TXNRD2: variants seen among roughly 807,000 people sequenced by gnomAD.
TXNRD2 encodes the protein thioredoxin reductase 2.
In TXNRD2, 67 loss-of-function variants were observed where a neutral mutation model predicts 70.8. That is an observed-to-expected ratio of 0.95 (90% CI 0.78 to 1.16). TXNRD2 has a LOEUF of 1.16. Ranked by LOEUF, TXNRD2 falls within the 50% of genes most tolerant of loss-of-function variation. The pLI is 0.00. For synonymous variants in TXNRD2, 301 were observed against 295.8 expected (o/e 1.02, Z -0.18); for missense variants, 644 against 719.9 (o/e 0.89, Z 1.21).
chr22:19,922,362 A>G (rs1249417021), intron 2 of TXNRD2, among the ~76,000 whole-genome samples: 1 of 151,942 alleles, frequency 6.6e-6, no homozygotes, highest in African/African-American at 2.4e-5. Flanking sequence ...TCGGTAACTA[A>G]ACTGCAGAAC....
chr22:19,911,507 C>G, intron 7 of TXNRD2, 60 bp from the exon 8 acceptor site: 1 of 1,333,584 alleles, frequency 7.5e-7, no homozygotes, highest in Non-Finnish European at 1.1e-6. Context: ...CTAGGGCTTC[C>G]TTAAAGAGGA....
chr22:19,920,798 C>A (rs776910002), intron 2 of TXNRD2, among the ~76,000 whole-genome samples: 5 of 152,162 alleles, frequency 3.3e-5, no homozygotes, highest in Admixed American at 2.0e-4. Context: ...TGTAAGAGTT[C>A]ATTTTTAAAA....
chr22:19,923,298 G>A (rs1024801123), intron 2 of TXNRD2, among the ~76,000 whole-genome samples: 1 of 151,908 alleles, frequency 6.6e-6, no homozygotes, highest in African/African-American at 2.4e-5. Flanking sequence ...GACTTTCAAG[G>A]ATAGATTCCT....
chr22:19,935,823 C>T (rs535603044), intron 1 of TXNRD2, among the ~76,000 whole-genome samples: 4 of 152,318 alleles, frequency 2.6e-5, no homozygotes, highest in Admixed American at 1.3e-4. Flanking sequence ...TGTGGGAACC[C>T]GATTCCCTTT....
At chr22:19,922,711 G>C (rs181089140) in intron 2 of TXNRD2, among the ~76,000 whole-genome samples, 1 of 152,128 alleles carries the variant, frequency 6.6e-6, no homozygotes, top group East Asian at 1.9e-4. Flanking sequence ...TTTTGAGATG[G>C]AGTCTAGCTC....
chr22:19,941,740 C>T lies in TXNRD2; in HGVS notation c.64G>A (p.Val22Met), dbSNP rs370819229. The T allele has an allele frequency of 1.0e-3, 1,551 of 1,494,506 alleles. 5 individuals carry two copies. Among genetic ancestry groups the T allele is most frequent in the Non-Finnish European group, 1.3e-3 (1,433 of 1,129,782 alleles). 92.6% of individuals were successfully genotyped at this position (1,494,506 alleles called of 1,614,324 possible). A position where few individuals can be genotyped will look rare whatever the true frequency, so the allele number is the denominator to read the frequency against. Reference protein sequence around the residue: ...GGRFRWRTQAVAGGVRGAARG... With the variant: ...GGRFRWRTQAMAGGVRGAARG... Reference sequence around the variant, plus strand: ...GCCGCGCCCCGCACCCCGCCCGCCACGGCCTGCGTCCGCCACCGGAAGCGC... The same window carrying T: ...GCCGCGCCCCGCACCCCGCCCGCCATGGCCTGCGTCCGCCACCGGAAGCGC... Residue 22 changes from valine to methionine, a missense_variant, in exon 1 of 18, where the codon GTG becomes ATG. Val to Met is a conservative substitution (Grantham distance 21). This residue lies in a region of TXNRD2 where 71 missense variants were observed against 53.6 expected (regional missense o/e 1.33). Transcript: ENST00000400521.
At chr22:19,905,934 C>A (rs910956703) in intron 8 of TXNRD2, among the ~76,000 whole-genome samples, 2 of 141,198 alleles carry the variant, frequency 1.4e-5, no homozygotes, top group Non-Finnish European at 3.1e-5. Flanking sequence ...AAAAAAAAAT[C>A]TTGGGGGTGG....
chr22:19,908,162 C>T (rs1268531004), intron 8 of TXNRD2, among the ~76,000 whole-genome samples: 2 of 143,792 alleles, frequency 1.4e-5, no homozygotes, highest in African/African-American at 5.2e-5. Flanking sequence ...AGAGTGTGGG[C>T]GCCGTGGGTA....
intron 11 of TXNRD2, among the ~76,000 whole-genome samples, chr22:19,886,678 T>G (rs886408307): frequency 1.3e-5 from 2 of 152,252 alleles, no homozygotes; most frequent in African/African-American, 4.8e-5. Context: ...TCGCCCTGCA[T>G]GTTGTGCTCA....
chr22:19,877,187 G>T lies in TXNRD2; in HGVS notation c.1493C>A (p.Pro498His). 6.2e-7 allele frequency: 1 copy of T among 1,611,828 alleles called. No individual in the cohort carries two copies. ...CTTGACTACCTCCTCAGAGCATGTG[G>T]GATGGATACCCACGGTCCGCATCAC... is the stretch of plus-strand genomic sequence containing the variant. ...AQVMRTVGIH[P>H]TCSEEVVKLR... Residue 498 changes from proline to histidine, a missense_variant, in exon 17 of 18, where the codon CCC (proline) becomes CAC (histidine). Around this residue, in one of 3 missense-constraint regions of TXNRD2, gnomAD observed 566 missense variants for 645.0 expected, o/e 0.88. Transcript: ENST00000400521.
At chr22:19,932,683 G>C (rs1434092239) in intron 1 of TXNRD2, 1 of 852,980 alleles carries the variant, frequency 1.2e-6, no homozygotes, top group African/African-American at 1.7e-5. Context: ...AACAAGTAGT[G>C]CCCTCAGCCC....
intron 11 of TXNRD2, chr22:19,895,074 G>T: frequency 6.3e-7 from 1 of 1,593,950 alleles, no homozygotes; most frequent in South Asian, 1.1e-5. Context: ...TCAAGGGCCA[G>T]GGAAGGCGAG....
At chr22:19,928,878 C>T (rs904251522) in intron 2 of TXNRD2, among the ~76,000 whole-genome samples, 13 of 151,636 alleles carry the variant, frequency 8.6e-5, no homozygotes, top group African/African-American at 2.9e-4. Flanking sequence ...TGGTGGCAGG[C>T]GCCTGTAATC....
intron 2 of TXNRD2, among the ~76,000 whole-genome samples, chr22:19,923,557 C>A (rs907773227): frequency 3.3e-5 from 5 of 152,088 alleles, no homozygotes; most frequent in African/African-American, 4.8e-5. Flanking sequence ...GAGGCCGAGG[C>A]GGGCAGATCA....
At chr22:19,923,439 G>A (rs1940991984) in intron 2 of TXNRD2, among the ~76,000 whole-genome samples, 1 of 152,096 alleles carries the variant, frequency 6.6e-6, no homozygotes, top group African/African-American at 2.4e-5. Flanking sequence ...ACCTGTCCTG[G>A]CTCTGGGCTG....
chr22:19,925,261 G>A (rs749031956), intron 2 of TXNRD2, among the ~76,000 whole-genome samples: 31 of 151,958 alleles, frequency 2.0e-4, no homozygotes, highest in Non-Finnish European at 3.7e-4. Flanking sequence ...TCCAGCCTGG[G>A]CGACAGAGCA....
At chr22:19,890,463 T>A (rs904740471) in intron 11 of TXNRD2, among the ~76,000 whole-genome samples, 2 of 152,142 alleles carry the variant, frequency 1.3e-5, no homozygotes, top group African/African-American at 4.8e-5. Context: ...GATGCCAGGG[T>A]CACTGCTGGG....
intron 8 of TXNRD2, among the ~76,000 whole-genome samples, chr22:19,910,596 A>C (rs1230110926): frequency 1.3e-5 from 2 of 152,178 alleles, no homozygotes; most frequent in African/African-American, 4.8e-5. Flanking sequence ...AGCCCTGCAG[A>C]GGGGCACAAG....
Position 19,877,052 on chromosome 22 carries a change from T to C in TXNRD2, c.*53A>G. 6.4e-7 allele frequency: 1 copy of C among 1,562,300 alleles called. No homozygotes were observed. Among genetic ancestry groups the C allele is most frequent in the Admixed American group, 1.7e-5 (1 of 58,546 alleles). ...CCCACCTGCATACCTGGGTCTGGCC[T>C]CCGAGGAGCTGGCGGCGGGCGCACC... On this transcript the variant is annotated 3_prime_UTR_variant, in exon 17 of 18. Coordinates refer to ENST00000400521, the MANE Select transcript of TXNRD2 (RefSeq NM_006440.5).
Sources: gnomAD v4.1 joint callset for allele counts (sites outside exome capture counted in the v4.1 genomes callset) on GRCh38, gnomAD v4.1.1 for gene constraint, gnomAD v4.1.1 regional missense constraint, MANE v1.5 for transcripts, NCBI Gene and HGNC (gene_info 2026-07-23, HGNC 2026-07-21) for gene names.